The following OR6N1 variants were observed in gnomAD, a reference collection of about 807,000 sequenced individuals.
OR6N1 encodes olfactory receptor 6N1.
For synonymous variants in OR6N1, 170 were observed against 150.7 expected (o/e 1.13, Z -0.94); for missense variants, 394 against 371.7 (o/e 1.06, Z -0.49).
At chr1:158,813,599 G>A in the OR6N1 span, among the ~76,000 whole-genome samples, 1 of 151,886 alleles carries the variant, frequency 6.6e-6, no homozygotes, top group South Asian at 2.1e-4. Context: ...GCTGGCAAGG[G>A]GAAGAAAGGG....
the OR6N1 span, among the ~76,000 whole-genome samples, chr1:158,836,167 A>G: frequency 1.3e-5 from 2 of 151,966 alleles, no homozygotes; most frequent in Non-Finnish European, 2.9e-5. Flanking sequence ...CGACATGCAT[A>G]AGGGATATTG....
chr1:158,788,101 A>G, the OR6N1 span, among the ~76,000 whole-genome samples: 191 of 152,352 alleles, frequency 1.3e-3, no homozygotes, highest in African/African-American at 4.2e-3. Context: ...AGAAAAATAT[A>G]AAGCATATCC....
chr1:158,813,216 C>G, the OR6N1 span, among the ~76,000 whole-genome samples: 2 of 152,144 alleles, frequency 1.3e-5, no homozygotes, highest in African/African-American at 4.8e-5. Flanking sequence ...CTTGTGTAAA[C>G]TACACATTTA....
chr1:158,837,555 C>A, the OR6N1 span, among the ~76,000 whole-genome samples: 121,202 of 151,628 alleles, frequency 0.8, 48,511 homozygotes, highest in African/African-American at 0.85. Flanking sequence ...AATGGAATAT[C>A]TCTTTTATTC....
upstream of OR6N1, among the ~76,000 whole-genome samples, chr1:158,772,564 A>T (rs1657448972): frequency 6.6e-6 from 1 of 152,170 alleles, no homozygotes; most frequent in Non-Finnish European, 1.5e-5. Flanking sequence ...AATTTGACTG[A>T]CCTTCTTTGA....
the OR6N1 span, among the ~76,000 whole-genome samples, chr1:158,835,949 G>T: frequency 6.6e-6 from 1 of 151,252 alleles, no homozygotes; most frequent in African/African-American, 2.4e-5. Context: ...ATTTTTACAA[G>T]TGAAAAATGA....
At chr1:158,802,289 C>G in the OR6N1 span, among the ~76,000 whole-genome samples, 8 of 147,830 alleles carry the variant, frequency 5.4e-5, no homozygotes, top group Admixed American at 3.5e-4. Context: ...CTCACTGCAA[C>G]CTCTGCCTTC....
At chr1:158,776,795 G>C (rs765831897), upstream of OR6N1, 107 of 1,613,820 alleles carry the variant, frequency 6.6e-5, no homozygotes, top group Non-Finnish European at 8.6e-5. Flanking sequence ...ATTGGTGTTA[G>C]TACGGAGTAA....
At chr1:158,784,040 A>G in the OR6N1 span, among the ~76,000 whole-genome samples, 1 of 152,154 alleles carries the variant, frequency 6.6e-6, no homozygotes, top group Non-Finnish European at 1.5e-5. Context: ...CGGGAGGCGG[A>G]GCTTGCAGTG....
the OR6N1 span, among the ~76,000 whole-genome samples, chr1:158,790,626 G>T: frequency 8.6e-5 from 13 of 152,028 alleles, no homozygotes; most frequent in Admixed American, 3.9e-4. Flanking sequence ...GGATGGTCTC[G>T]ATCTCCTGAC....
At chr1:158,780,945 C>T in the OR6N1 span, among the ~76,000 whole-genome samples, 1 of 152,154 alleles carries the variant, frequency 6.6e-6, no homozygotes, top group Non-Finnish European at 1.5e-5. Context: ...GAATTAAGAA[C>T]CAAATGGAGG....
the OR6N1 span, among the ~76,000 whole-genome samples, chr1:158,794,680 T>G: frequency 2.0e-5 from 3 of 152,172 alleles, no homozygotes; most frequent in African/African-American, 7.2e-5. Flanking sequence ...GTAGAAATAA[T>G]GTATTGAGCA....
the OR6N1 span, among the ~76,000 whole-genome samples, chr1:158,797,493 T>C: frequency 3.2e-4 from 48 of 152,346 alleles, no homozygotes; most frequent in South Asian, 1.4e-3. Flanking sequence ...CTAGTGATAA[T>C]TTCTGCACTG....
chr1:158,794,670 G>A, the OR6N1 span, among the ~76,000 whole-genome samples: 1 of 152,286 alleles, frequency 6.6e-6, no homozygotes, highest in East Asian at 1.9e-4. Context: ...AATGTCAGCT[G>A]TAGAAATAAT....
chr1:158,822,131 G>C, the OR6N1 span, among the ~76,000 whole-genome samples: 1 of 152,126 alleles, frequency 6.6e-6, no homozygotes, highest in Non-Finnish European at 1.5e-5. Flanking sequence ...TTGAAGTCAG[G>C]TAATTTGATG....
Position 158,766,518 on chromosome 1 carries a change from AAGCCGGG to A in OR6N1, c.158_164del (p.Ser53PhefsTer61), listed in dbSNP as rs1281067260. On this transcript the variant is annotated frameshift_variant, in exon 2 of 2. Transcript: ENST00000641846. LOFTEE classifies it low-confidence loss of function (END_TRUNC). The stretch of plus-strand genomic sequence containing the variant: ...TGACAAAGTGGTACATGGGTGTGTG[AAGCCGGG>A]AGTCCAGGCAGACCACCAGGAATAT... 6 of 1,614,118 alleles carry A rather than the reference AAGCCGGG, an allele frequency of 3.7e-6. No homozygotes were observed. Among genetic ancestry groups the A allele is most frequent in the Non-Finnish European group, 5.1e-6 (6 of 1,179,990 alleles).
upstream of OR6N1, chr1:158,775,295 G>A (rs908395245): frequency 6.6e-6 from 1 of 152,174 alleles, no homozygotes; most frequent in Non-Finnish European, 1.5e-5. Flanking sequence ...ACACAATTAG[G>A]AGGAGTGAAC....
At chr1:158,804,922 G>T in the OR6N1 span, among the ~76,000 whole-genome samples, 2 of 151,858 alleles carry the variant, frequency 1.3e-5, no homozygotes, top group Non-Finnish European at 2.9e-5. Flanking sequence ...ATATAGAGTG[G>T]GAGGAGACAG....
At chr1:158,787,214 G>T in the OR6N1 span, among the ~76,000 whole-genome samples, 1 of 152,062 alleles carries the variant, frequency 6.6e-6, no homozygotes, top group Non-Finnish European at 1.5e-5. Context: ...CACGTGACAT[G>T]TTGGCTCCTC....
Sources: allele counts gnomAD v4.1 joint callset (sites outside exome capture counted in the v4.1 genomes callset), GRCh38; gene constraint gnomAD v4.1.1; transcripts MANE v1.5; gene names NCBI Gene and HGNC (gene_info 2026-07-23, HGNC 2026-07-21).